SERPINB7: variants seen among roughly 807,000 people sequenced by gnomAD.
SERPINB7 encodes serpin family B member 7.
Under a neutral mutation model 37.4 loss-of-function variants are expected in SERPINB7, and 31 were observed. That is an observed-to-expected ratio of 0.83 (90% confidence interval 0.62 to 1.12). SERPINB7 has a LOEUF of 1.12. Among genes scored for constraint, SERPINB7 ranks in the 50% most tolerant of loss-of-function variants. The probability of loss-of-function intolerance (pLI) is 0.00; values close to 1 mark genes in which losing one functional copy is unlikely to be tolerated. For missense variants in SERPINB7, 521 were observed against 455.3 expected, an observed-to-expected ratio of 1.14 and a Z score of -1.31; for synonymous variants, 163 against 166.1, an observed-to-expected ratio of 0.98 and a Z score of 0.14.
chr18:63,758,721 G>T (rs1031424121), intron 1 of SERPINB7, among the ~76,000 whole-genome samples: 2 of 152,132 alleles, frequency 1.3e-5, no homozygotes, highest in South Asian at 4.2e-4. Flanking sequence ...GACAATCTTG[G>T]TGATAGCATG....
Position 63,793,214 on chromosome 18 carries a change from C to A in SERPINB7, c.273C>A (p.His91Gln). Residue 91 changes from histidine (H) to glutamine (Q), a missense_variant, in exon 4 of 8, where the codon CAC becomes CAA. Physicochemically the swap from His to Gln is conservative, Grantham distance 24. Coordinates refer to ENST00000398019, the MANE Select transcript of SERPINB7 (RefSeq NM_003784.4). ...TTTTTTCTGATATAAATGCATCCCA[C>A]AAGGATTATGATCTCAGCATTGTGA... is the stretch of plus-strand genomic sequence containing the variant. Reference protein sequence around the residue: ...KRVFSDINASHKDYDLSIVNG... With the variant: ...KRVFSDINASQKDYDLSIVNG... 2 of 1,608,514 alleles carry A rather than the reference C, an allele frequency of 1.2e-6. No individual in the cohort carries two copies. Among genetic ancestry groups the A allele is most frequent in the Non-Finnish European group, 1.7e-6 (2 of 1,176,862 alleles).
intron 1 of SERPINB7, among the ~76,000 whole-genome samples, chr18:63,756,829 T>TGC (rs2049125306): frequency 2.0e-5 from 3 of 151,642 alleles, no homozygotes; most frequent in African/African-American, 4.8e-5. Context: ...TGTGTGTGTG[T>TGC]GTGTGTGTGT....
At chr18:63,760,619 TG>T (rs997585573) in intron 1 of SERPINB7, among the ~76,000 whole-genome samples, 1 of 151,838 alleles carries the variant, frequency 6.6e-6, no homozygotes, top group Admixed American at 6.6e-5. Context: ...GAGGAAAAAG[TG>T]GTTTTGTGGG....
intron 1 of SERPINB7, among the ~76,000 whole-genome samples, chr18:63,759,308 A>G (rs745334098): frequency 1.0e-3 from 152 of 152,114 alleles, no homozygotes; most frequent in Non-Finnish European, 1.9e-3. Context: ...TTGCTGTTTA[A>G]AGAATTAAAA....
At chr18:63,756,075 ATATT>A (rs1568197741) in intron 1 of SERPINB7, among the ~76,000 whole-genome samples, 1 of 130,298 alleles carries the variant, frequency 7.7e-6, no homozygotes, top group African/African-American at 2.9e-5. Flanking sequence ...TATAATATAA[ATATT>A]ATATATAGGG....
At chr18:63,786,106 T>TAC (rs1163618636) in intron 2 of SERPINB7, among the ~76,000 whole-genome samples, 18 of 132,508 alleles carry the variant, frequency 1.4e-4, no homozygotes, top group Admixed American at 1.3e-3. Context: ...TAAGTATATA[T>TAC]ATGTATATAT....
At chr18:63,792,244 G>T in intron 2 of SERPINB7, 149 bp from the exon 3 acceptor site, 1 of 552,810 alleles carries the variant, frequency 1.8e-6, no homozygotes, top group Non-Finnish European at 3.2e-6. Context: ...TCAGAGTCAT[G>T]GGGAGAATCT....
intron 1 of SERPINB7, among the ~76,000 whole-genome samples, chr18:63,762,966 C>T (rs1463827886): frequency 1.3e-5 from 2 of 152,136 alleles, no homozygotes; most frequent in African/African-American, 2.4e-5. Flanking sequence ...ACGTAGATGA[C>T]ATTTGCCTTG....
At chr18:63,789,206 C>A (rs1405028769) in intron 2 of SERPINB7, among the ~76,000 whole-genome samples, 1 of 152,126 alleles carries the variant, frequency 6.6e-6, no homozygotes, top group Non-Finnish European at 1.5e-5. Flanking sequence ...GCGAGCTGGT[C>A]CCATCAACTC....
intron 2 of SERPINB7, among the ~76,000 whole-genome samples, chr18:63,783,283 A>AAAGAAAGAAAGAAAGAAAGAAAGAAAGG (rs1555694241): frequency 1.1e-4 from 13 of 122,528 alleles, no homozygotes; most frequent in African/African-American, 2.6e-4. Context: ...AGAAAGAAAG[A>AAAGAAAGAAAGAAAGAAAGAAAGAAAGG]AAGAAAGAAA....
intron 1 of SERPINB7, among the ~76,000 whole-genome samples, chr18:63,776,331 C>G (rs569045605): frequency 1.3e-5 from 2 of 152,018 alleles, no homozygotes; most frequent in Non-Finnish European, 2.9e-5. Context: ...CTAGGGGTAA[C>G]TAAAGCAGTT....
At chr18:63,798,833 G>T in intron 6 of SERPINB7, 87 bp downstream of exon 6, 2 of 1,375,696 alleles carry the variant, frequency 1.5e-6, no homozygotes, top group South Asian at 1.3e-5. Context: ...GTAAACTCTA[G>T]GTTCACCGTT....
chr18:63,784,333 A>AACAACTACCCGCAGCATACCCCTCCCCC (rs2049343440), intron 2 of SERPINB7, among the ~76,000 whole-genome samples: 2 of 152,152 alleles, frequency 1.3e-5, no homozygotes, highest in African/African-American at 2.4e-5. Context: ...GCCTCTCATC[A>AACAACTACCCGCAGCATACCCCTCCCCC]ACAACTACCC....
chr18:63,764,253 A>G lies in SERPINB7; in HGVS notation c.-19+11133A>G, dbSNP rs1348943850. On this transcript the variant is annotated intron_variant, in intron 1 of 7. Transcript: ENST00000336429. ...TGAGGGCAGTGGGATTTGGTTTGCT[A>G]AACTAAGAAGGTGTTACCACTCTAC... 2.0e-5 allele frequency among the ~76,000 whole-genome samples: 3 copies of G among 152,350 alleles called. No homozygotes were observed. In the East Asian group the frequency reaches 5.8e-4, roughly 29 times the overall value.
upstream of SERPINB7, among the ~76,000 whole-genome samples, chr18:63,772,452 T>TGCCACTGAAACTGGTCAAGGTAA (rs1251137471): frequency 7.2e-5 from 11 of 152,246 alleles, no homozygotes; most frequent in Admixed American, 4.6e-4. Flanking sequence ...CATTTATATT[T>TGCCACTGAAACTGGTCAAGGTAA]AACTTTGCCA....
At chr18:63,798,228 G>A (rs1461435493) in intron 5 of SERPINB7, among the ~76,000 whole-genome samples, 1 of 152,178 alleles carries the variant, frequency 6.6e-6, no homozygotes, top group Non-Finnish European at 1.5e-5. Context: ...GTAGCAAAAG[G>A]TGGCCTAGTC....
chr18:63,782,854 G>A (rs570996861), intron 2 of SERPINB7, among the ~76,000 whole-genome samples: 179 of 152,200 alleles, frequency 1.2e-3, no homozygotes, highest in African/African-American at 4.0e-3. Context: ...AAATGCAAAT[G>A]CTGGCCGGGC....
rs771370022 is a variant in SERPINB7 at position 63,798,705 on chromosome 18, A to G, written c.556A>G (p.Thr186Ala). 6.2e-7 allele frequency: 1 copy of G among 1,613,406 alleles called. No individual in the cohort carries two copies. The highest frequency in any genetic ancestry group is 1.7e-5 in the Admixed American group (1 of 59,906). ...YFKGKWQSAF[T>A]KSETINCHFK... ...CAAAGGCAAGTGGCAATCAGCCTTC[A>G]CCAAGAGCGAAACCATAAATTGCCA... The change falls in exon 6 of 8, where the codon ACC (threonine) becomes GCC (alanine). Residue 186 changes from threonine (T) to alanine (A), a missense_variant. Thr to Ala is a moderately conservative substitution (Grantham distance 58, BLOSUM62 0). Transcript: ENST00000398019.
At chr18:63,783,942 G>A (rs2049338977) in intron 2 of SERPINB7, among the ~76,000 whole-genome samples, 1 of 151,806 alleles carries the variant, frequency 6.6e-6, no homozygotes, top group Admixed American at 6.6e-5. Context: ...AATATTAATT[G>A]CTAGAGAACA....
Sources: allele counts gnomAD v4.1 joint callset (sites outside exome capture counted in the v4.1 genomes callset), GRCh38; gene constraint gnomAD v4.1.1; transcripts MANE v1.5; gene names NCBI Gene and HGNC (gene_info 2026-07-23, HGNC 2026-07-21).